The following MICAL3 variants were observed in gnomAD, a reference collection of about 807,000 sequenced individuals.
MICAL3 encodes the protein microtubule associated monooxygenase, calponin and LIM domain containing 3, also known as [F-actin]-monooxygenase MICAL3.
Under a neutral mutation model 207.4 loss-of-function variants are expected in MICAL3, and 62 were observed. The ratio of observed to expected loss-of-function variants is 0.30; its 90% confidence interval spans 0.24 to 0.37. MICAL3 has a LOEUF of 0.37. Among genes scored for constraint, MICAL3 ranks in the 10% least tolerant of loss-of-function variants. MICAL3 has a pLI of 1.00. For synonymous variants in MICAL3, 1,077 were observed against 1,069.3 expected, an observed-to-expected ratio of 1.01 and a Z score of -0.14; for missense variants, 2,368 against 2,635.6, an observed-to-expected ratio of 0.90 and a Z score of 2.22.
At chr22:17,991,108 C>T (rs543480739) in intron 1 of MICAL3, among the ~76,000 whole-genome samples, 23 of 152,366 alleles carry the variant, frequency 1.5e-4, no homozygotes, top group Non-Finnish European at 2.9e-4. Flanking sequence ...GAGGCTGGGC[C>T]AGCCAGGCCC....
At position 17,885,975 on chromosome 22, in the gene MICAL3, G is replaced by A; in HGVS notation, c.2144C>T (p.Ala715Val). The change falls in exon 16 of 32, where the codon GCC (alanine) becomes GTC (valine). Residue 715 changes from alanine to valine, a missense_variant. By Grantham distance (64) the Ala-to-Val change is moderately conservative (BLOSUM62 0). This residue lies in a region of MICAL3 where 1,770 missense variants were observed against 1,863.2 expected (regional missense o/e 0.95). Transcript: ENST00000441493. Reference protein sequence around the residue: ...STLTDRRMDVAVGNQNKVKYM... With the variant: ...STLTDRRMDVVVGNQNKVKYM... ...CTTCACTTTGTTCTGGTTCCCAACG[G>A]CAACGTCCATCCTCCTGTCTGTCAG... The A allele has an allele frequency of 1.2e-6, 2 of 1,614,020 alleles. No homozygotes were observed. Among genetic ancestry groups the A allele is most frequent in the South Asian group, 2.2e-5 (2 of 91,084 alleles).
chr22:17,880,728 G>A (rs1321893239), intron 16 of MICAL3, among the ~76,000 whole-genome samples: 2 of 152,184 alleles, frequency 1.3e-5, no homozygotes, highest in African/African-American at 4.8e-5. Flanking sequence ...CAAGTGCAGT[G>A]GGGAGGAGTG....
chr22:17,885,431 G>A lies in MICAL3; in HGVS notation c.2241+447C>T, dbSNP rs117356566. Among the ~76,000 whole-genome samples, 46 of 152,192 alleles carry A rather than the reference G, an allele frequency of 3.0e-4. 1 individual carries two copies. In the East Asian group the frequency reaches 8.9e-3, roughly 29 times the overall value. On this transcript the variant is annotated intron_variant, in intron 16 of 31. Coordinates refer to ENST00000441493, the MANE Select transcript of MICAL3 (RefSeq NM_015241.3). The stretch of plus-strand genomic sequence containing the variant: ...GAATCGAAAAGTATATGTTAAGAAT[G>A]ACCTCATCTACAAAAACAAGAATAC...
Position 17,812,435 on chromosome 22 carries a change from C to T in MICAL3, c.5446-1622G>A, listed in dbSNP as rs190578366. The T allele has an allele frequency of 1.6e-4, 128 of 824,164 alleles. 2 individuals carry two copies. The South Asian group carries it at 2.6e-3, about 17-fold the overall frequency. 51.1% of individuals were successfully genotyped at this position (824,164 alleles called of 1,614,324 possible). A position where few individuals can be genotyped will look rare whatever the true frequency, so the allele number is the denominator to read the frequency against. On this transcript the variant is annotated intron_variant, in intron 27 of 31. Coordinates refer to ENST00000441493, the MANE Select transcript of MICAL3 (RefSeq NM_015241.3). ...GTTAGTGAGGATGTGGCTGGAGGGC[C>T]GGGGCCGGCGCCGGGTGGTTAATCA... is the stretch of plus-strand genomic sequence containing the variant.
intron 29 of MICAL3, among the ~76,000 whole-genome samples, chr22:17,805,686 T>C (rs753699420): frequency 1.3e-5 from 2 of 152,242 alleles, no homozygotes; most frequent in Admixed American, 1.3e-4. Context: ...CAAATACTTG[T>C]AGCTCTTTCA....
At chr22:17,835,055 C>T (rs453841) in intron 20 of MICAL3, among the ~76,000 whole-genome samples, 41,446 of 152,150 alleles carry the variant, frequency 0.27, 5,805 homozygotes, top group Middle Eastern at 0.29. Context: ...CCTCACCCTG[C>T]GCCATGTCGT....
Position 17,817,908 on chromosome 22 carries a change from C to T in MICAL3, c.4753G>A (p.Val1585Met). 2 of 1,612,490 alleles carry T rather than the reference C, an allele frequency of 1.2e-6. No individual in the cohort carries two copies. Among genetic ancestry groups the T allele is most frequent in the Non-Finnish European group, 1.7e-6 (2 of 1,179,780 alleles). ...GCCAACTCCTTGGCTTCCGCGGACACCAAGGGCAGCCCCCTCTTCTGTGGC... is the reference window on the plus strand; with the variant it reads ...GCCAACTCCTTGGCTTCCGCGGACATCAAGGGCAGCCCCCTCTTCTGTGGC... ...LQPQKRGLPL[V>M]SAEAKELAEE... The change falls in exon 26 of 32, where the codon GTG becomes ATG. Residue 1585 changes from valine to methionine, a missense_variant. Val to Met is a conservative substitution (Grantham distance 21, BLOSUM62 1). Transcript: ENST00000441493.
At chr22:17,865,157 C>A (rs1926953485) in intron 18 of MICAL3, among the ~76,000 whole-genome samples, 171 bp from the exon 19 acceptor site, 1 of 151,966 alleles carries the variant, frequency 6.6e-6, no homozygotes, top group Admixed American at 6.5e-5. Context: ...GGCACCCAGG[C>A]TGGAGTGCAG....
In MICAL3 at chr22:17,891,562, G is replaced by A. The variant is rs199659825; in HGVS notation, c.1617C>T (p.Asn539=). 9.5e-4 allele frequency: 1,530 copies of A among 1,613,876 alleles called. No individual in the cohort carries two copies. The highest frequency in any genetic ancestry group is 1.0e-3 in the Non-Finnish European group (1,235 of 1,179,790). ...TCCAGGACATGGTGAGATCTGTCACGTTTACCCCTGCATAGCCATCTGTCT... is the reference window on the plus strand; with the variant it reads ...TCCAGGACATGGTGAGATCTGTCACATTTACCCCTGCATAGCCATCTGTCT... The part of the protein sequence containing the change: ...QRQTDGYAGV[N]VTDLTMSWKS... The change falls in exon 12 of 32, where the codon AAC becomes AAT. Residue 539 remains asparagine, a synonymous_variant. Coordinates refer to ENST00000441493, the MANE Select transcript of MICAL3 (RefSeq NM_015241.3).
At position 17,795,248 on chromosome 22, in the gene MICAL3, T is replaced by G. The variant is rs1001079989; in HGVS notation, c.5651-3947A>C. Among the ~76,000 whole-genome samples, 18 of 152,380 alleles carry G rather than the reference T, an allele frequency of 1.2e-4. 1 individual carries two copies. The highest frequency in any genetic ancestry group is 8.3e-4 in the South Asian group (4 of 4,832). Reference sequence around the variant, plus strand: ...GATTTCTTTCCTCAACAATACACTCTGCCTTACAGCCGACCTACAGTCAAC... The same window carrying G: ...GATTTCTTTCCTCAACAATACACTCGGCCTTACAGCCGACCTACAGTCAAC... On this transcript the variant is annotated intron_variant, in intron 29 of 31. Transcript: ENST00000441493.
chr22:17,877,938 T>C (rs1009311557), intron 16 of MICAL3, among the ~76,000 whole-genome samples: 3 of 152,072 alleles, frequency 2.0e-5, no homozygotes, highest in Non-Finnish European at 4.4e-5. Context: ...CTGCAAGCTC[T>C]GCCTCCTGGG....
chr22:17,851,470 G>A (rs1925331715), intron 19 of MICAL3, among the ~76,000 whole-genome samples: 1 of 152,138 alleles, frequency 6.6e-6, no homozygotes, highest in Non-Finnish European at 1.5e-5. Flanking sequence ...CATCATCTTT[G>A]TGTTCCTGAA....
At chr22:17,933,815 T>C (rs755848336) in intron 1 of MICAL3, among the ~76,000 whole-genome samples, 4 of 152,120 alleles carry the variant, frequency 2.6e-5, no homozygotes, top group Non-Finnish European at 1.5e-5. Flanking sequence ...CCCACGGAAA[T>C]ACAAACTATC....
chr22:18,019,805 GATT>G (rs1569169685), intron 1 of MICAL3: 8 of 128,274 alleles, frequency 6.2e-5, no homozygotes, highest in Non-Finnish European at 8.9e-5. Context: ...GAATGCTGCT[GATT>G]TTTTTTTTTT....
Position 17,896,864 on chromosome 22 carries a change from A to G in MICAL3, c.1066T>C (p.Phe356Leu). Reference sequence around the variant, plus strand: ...GGCTGCCCATAGTGATTGATGGCAAAATCCAGAGACGGCAGCTGCTGCTGG... The same window carrying G: ...GGCTGCCCATAGTGATTGATGGCAAGATCCAGAGACGGCAGCTGCTGCTGG... The part of the protein sequence containing the change: ...STQQQLPSLD[F>L]AINHYGQPDV... The change falls in exon 8 of 32, where the codon TTT becomes CTT. Residue 356 changes from phenylalanine (F) to leucine (L), a missense_variant. Around this residue, in one of 4 missense-constraint regions of MICAL3, gnomAD observed 400 missense variants for 547.0 expected, o/e 0.73. Coordinates refer to ENST00000441493, the MANE Select transcript of MICAL3 (RefSeq NM_015241.3). 1 of 1,614,122 alleles carries G rather than the reference A, an allele frequency of 6.2e-7. No individual in the cohort carries two copies. Among genetic ancestry groups the G allele is most frequent in the Non-Finnish European group, 8.5e-7 (1 of 1,180,014 alleles).
intron 19 of MICAL3, among the ~76,000 whole-genome samples, chr22:17,846,412 C>T (rs1282440906): frequency 1.3e-5 from 2 of 151,870 alleles, no homozygotes; most frequent in African/African-American, 2.4e-5. Context: ...AAAAACCACA[C>T]GCACAAACAC....
intron 1 of MICAL3, among the ~76,000 whole-genome samples, chr22:18,001,663 C>G (rs1012669996): frequency 6.6e-6 from 1 of 152,242 alleles, no homozygotes; most frequent in African/African-American, 2.4e-5. Flanking sequence ...CACGCTCAGT[C>G]TTGCCAGAAT....
chr22:17,901,800 GCA>G (rs1273490440), intron 5 of MICAL3, 76 bp downstream of exon 5: 8 of 1,112,312 alleles, frequency 7.2e-6, no homozygotes, highest in Non-Finnish European at 9.2e-6. Context: ...CGCTGGTCAC[GCA>G]CAGTCTCGCC....
intron 29 of MICAL3, among the ~76,000 whole-genome samples, chr22:17,799,916 C>T (rs923807548): frequency 2.0e-5 from 3 of 150,734 alleles, no homozygotes; most frequent in Non-Finnish European, 4.4e-5. Flanking sequence ...CACAAACACA[C>T]ACACACACGC....
Sources: gnomAD v4.1 joint callset for allele counts (sites outside exome capture counted in the v4.1 genomes callset) on GRCh38, gnomAD v4.1.1 for gene constraint, gnomAD v4.1.1 regional missense constraint, MANE v1.5 for transcripts, NCBI Gene and HGNC (gene_info 2026-07-23, HGNC 2026-07-21) for gene names.